SPEF1: variants seen among roughly 807,000 people sequenced by gnomAD.
SPEF1 encodes the protein sperm flagella and cilia-associated protein 1.
In SPEF1, 30 loss-of-function variants were observed where a neutral mutation model predicts 31.8. That is an observed-to-expected ratio of 0.94 (90% CI 0.70 to 1.28). The LOEUF is 1.28. SPEF1 is among the 50% of genes most tolerant of loss of function. The pLI, the probability that SPEF1 is intolerant of heterozygous loss-of-function variation, is 0.00. For missense variants in SPEF1, 298 were observed against 309.6 expected, an observed-to-expected ratio of 0.96 and a Z score of 0.28; for synonymous variants, 126 against 130.1, an observed-to-expected ratio of 0.97 and a Z score of 0.21.
intron 1 of SPEF1, 143 bp from the exon 2 acceptor site, chr20:3,779,918 G>C (rs1037207991): frequency 3.3e-6 from 2 of 604,768 alleles, no homozygotes; most frequent in African/African-American, 3.7e-5. Flanking sequence ...GGAAGGATAA[G>C]GAGGGAGACA....
Position 3,778,190 on chromosome 20 carries a change from C to A in SPEF1, c.*22G>T. 1 of 1,512,144 alleles carries A rather than the reference C, an allele frequency of 6.6e-7. No homozygotes were observed. The highest frequency in any genetic ancestry group is 8.9e-7 in the Non-Finnish European group (1 of 1,122,944). The allele number at this position is 1,512,144 out of a possible 1,614,324, so 93.7% of individuals were successfully genotyped here. ...GGGCTCTGGCGGGTACCCGGGCGTC[C>A]CCGCGCGGCCCGGGCCGCCGCTCAC... On this transcript the variant is annotated 3_prime_UTR_variant, in exon 7 of 7. Transcript: ENST00000379756.
chr20:3,779,754 T>G lies in SPEF1; in HGVS notation c.131A>C (p.Lys44Thr). 6.2e-7 allele frequency: 1 copy of G among 1,610,976 alleles called. No individual in the cohort carries two copies. Among genetic ancestry groups the G allele is most frequent in the Non-Finnish European group, 8.5e-7 (1 of 1,178,940 alleles). ...SDGVLVAEVI[K>T]FYFPKMVEMH... ...CTCCACCATCTTGGGGAAGTAAAACTTGATGACCTCTGCAACAAGGACTGA... is the reference window on the plus strand; with the variant it reads ...CTCCACCATCTTGGGGAAGTAAAACGTGATGACCTCTGCAACAAGGACTGA... The change falls in exon 2 of 7, where the codon AAG becomes ACG. Residue 44 changes from lysine to threonine, a missense_variant. Transcript: ENST00000379756.
At position 3,779,531 on chromosome 20, in the gene SPEF1, T is replaced by G. The variant is rs755109447; in HGVS notation, c.221+133A>C. The G allele has an allele frequency of 1.3e-5, 11 of 877,654 alleles. No homozygotes were observed. The African/African-American group carries it at 1.3e-4, about 11-fold the overall frequency. The allele number at this position is 877,654 out of a possible 1,614,324, so 54.4% of individuals were successfully genotyped here. On this transcript the variant is annotated intron_variant, in intron 2 of 6. Transcript: ENST00000379756. ...CCGAGGTTCCTTGCCTCCTTCCTAA[T>G]AGAAGAGTCTCTTGATTTTGTAATC...
chr20:3,779,019 GC>G (rs572110606), intron 3 of SPEF1, 29 bp from the exon 4 acceptor site: 3 of 1,614,006 alleles, frequency 1.9e-6, no homozygotes, highest in Non-Finnish European at 2.5e-6. Flanking sequence ...TCCGCTGTAA[GC>G]CCGGGCTCAG....
chr20:3,781,292 G>A lies in SPEF1; in HGVS notation c.-5C>T. ...CTCGTCCACGCTGCTCGCCATTGGC[G>A]TCCTCACGGCCTGGCCGCCCCAGCG... On this transcript the variant is annotated 5_prime_UTR_variant, in exon 1 of 7. The change creates a new upstream start codon in the 5' untranslated region. Transcript: ENST00000379756. 1 of 1,613,102 alleles carries A rather than the reference G, an allele frequency of 6.2e-7. No individual in the cohort carries two copies. The highest frequency in any genetic ancestry group is 2.2e-5 in the East Asian group (1 of 44,852).
In SPEF1 at chr20:3,778,322, A is replaced by C; in HGVS notation, c.604-3T>G. The C allele has an allele frequency of 1.2e-6, 2 of 1,612,508 alleles. No individual in the cohort carries two copies. Among genetic ancestry groups the C allele is most frequent in the South Asian group, 2.2e-5 (2 of 91,052 alleles). On this transcript the variant is annotated splice_region_variant and splice_polypyrimidine_tract_variant and intron_variant, in intron 6 of 6. Transcript: ENST00000379756. ...CGCCTTACCTTCATCTGCAGGACCT[A>C]AGCCGCACCGCGCAGGCGTCAAGCC...
intron 5 of SPEF1, 99 bp from the exon 6 acceptor site, chr20:3,778,643 C>T (rs2088760956): frequency 1.3e-6 from 2 of 1,571,308 alleles, no homozygotes; most frequent in Non-Finnish European, 1.7e-6. Context: ...CCTCTAGCCC[C>T]TTTCCTGCCT....
At chr20:3,781,117 C>A in intron 1 of SPEF1, 62 bp downstream of exon 1, 1 of 1,596,122 alleles carries the variant, frequency 6.3e-7, no homozygotes, top group Non-Finnish European at 8.6e-7. Context: ...AAAGAGTTTG[C>A]ACAGAGACCC....
In SPEF1 at chr20:3,777,971, C is replaced by T. The variant is rs2088754779; in HGVS notation, c.*241G>A. On this transcript the variant is annotated 3_prime_UTR_variant, in exon 7 of 7. Coordinates refer to ENST00000379756, the MANE Select transcript of SPEF1 (RefSeq NM_015417.5). This position sits in a 1 kb window ranked among gnomAD's most constrained non-coding sequence, Gnocchi z 4.1. ...TGGGCTCTGGAAAGCGGTCCATTCT[C>T]CTGACCCGGATCTCCGGAGTGGTAG... The T allele has an allele frequency of 4.0e-6, 2 of 506,100 alleles. No individual in the cohort carries two copies. The highest frequency in any genetic ancestry group is 6.7e-5 in the East Asian group (2 of 30,010). The allele number at this position is 506,100 out of a possible 1,614,324, so 31.4% of individuals were successfully genotyped here.
At chr20:3,778,697 G>A (rs745896416) in intron 5 of SPEF1, 49 bp downstream of exon 5, 1 of 1,601,792 alleles carries the variant, frequency 6.2e-7, no homozygotes, top group East Asian at 2.2e-5. Context: ...CCCCAGCTGT[G>A]TGCAGAGATC....
chr20:3,779,103 C>G (rs533172298), intron 3 of SPEF1, 93 bp downstream of exon 3: 6 of 1,567,142 alleles, frequency 3.8e-6, no homozygotes, highest in East Asian at 2.4e-5. Context: ...ACCCCTCCCC[C>G]ACACTTATCA....
Position 3,778,333 on chromosome 20 carries a change from C to T in SPEF1, c.604-14G>A, listed in dbSNP as rs758894022. 6.2e-7 allele frequency: 1 copy of T among 1,612,370 alleles called. No individual in the cohort carries two copies. The highest frequency in any genetic ancestry group is 8.5e-7 in the Non-Finnish European group (1 of 1,178,784). On this transcript the variant is annotated splice_polypyrimidine_tract_variant and intron_variant, in intron 6 of 6. Transcript: ENST00000379756. Reference sequence around the variant, plus strand: ...CATCTGCAGGACCTAAGCCGCACCGCGCAGGCGTCAAGCCTGGCGGTCTGC... The same window carrying T: ...CATCTGCAGGACCTAAGCCGCACCGTGCAGGCGTCAAGCCTGGCGGTCTGC...
Position 3,779,679 on chromosome 20 carries a change from C to A in SPEF1, c.206G>T (p.Trp69Leu), listed in dbSNP as rs750731850. The A allele has an allele frequency of 1.9e-6, 3 of 1,612,386 alleles. No homozygotes were observed. Among genetic ancestry groups the A allele is most frequent in the African/African-American group, 2.7e-5 (2 of 74,830 alleles). ...ATTCTGCTACCTGTTCAGATGACCC[C>A]AGTTGCTGAGCTTCTGCTGGAGAGA... ...ANSLQQKLSNWGHLNRKVLKR... is the reference protein window; with the variant it reads ...ANSLQQKLSNLGHLNRKVLKR... Residue 69 changes from tryptophan (W) to leucine (L), a missense_variant, in exon 2 of 7, where the codon TGG (tryptophan) becomes TTG (leucine). Trp to Leu is a moderately conservative substitution (Grantham distance 61). Coordinates refer to ENST00000379756, the MANE Select transcript of SPEF1 (RefSeq NM_015417.5).
chr20:3,779,096 C>T lies in SPEF1; in HGVS notation c.378+100G>A, dbSNP rs2088764378. ...GGCCAGGCTCTATTAGCCAAGCACCCCTCCCCCACACTTATCACCCAGGCT... is the reference window on the plus strand; with the variant it reads ...GGCCAGGCTCTATTAGCCAAGCACCTCTCCCCCACACTTATCACCCAGGCT... On this transcript the variant is annotated intron_variant, in intron 3 of 6. Transcript: ENST00000379756. The T allele has an allele frequency of 1.9e-6, 3 of 1,579,562 alleles. No individual in the cohort carries two copies. In the Admixed American group the frequency reaches 5.4e-5, roughly 29 times the overall value.
chr20:3,780,017 G>A (rs1600362436), intron 1 of SPEF1, among the ~76,000 whole-genome samples: 1 of 152,032 alleles, frequency 6.6e-6, no homozygotes. Flanking sequence ...ATTTAGGAAT[G>A]GGAATACTGA....
intron 1 of SPEF1, 43 bp downstream of exon 1, chr20:3,781,136 C>G (rs377103393): frequency 1.2e-5 from 19 of 1,607,062 alleles, no homozygotes; most frequent in Non-Finnish European, 1.5e-5. Context: ...CCGTTACACA[C>G]GAACATACAG....
intron 1 of SPEF1, 71 bp downstream of exon 1, chr20:3,781,108 A>G: frequency 6.3e-7 from 1 of 1,586,624 alleles, no homozygotes; most frequent in South Asian, 1.1e-5. Context: ...CACAAACACA[A>G]AGAGTTTGCA....
Position 3,779,755 on chromosome 20 carries a change from T to A in SPEF1, c.130A>T (p.Lys44Ter), listed in dbSNP as rs1309167324. 1 of 1,609,106 alleles carries A rather than the reference T, an allele frequency of 6.2e-7. No homozygotes were observed. The highest frequency in any genetic ancestry group is 1.1e-5 in the South Asian group (1 of 90,974). ...SDGVLVAEVI[K>*]FYFPKMVEMH... ...TCCACCATCTTGGGGAAGTAAAACT[T>A]GATGACCTCTGCAACAAGGACTGAG... is the stretch of plus-strand genomic sequence containing the variant. The change falls in exon 2 of 7, where the codon AAG (lysine) becomes TAG (stop). Residue 44 changes from lysine to a stop codon, truncating the protein, a stop_gained. Coordinates refer to ENST00000379756, the MANE Select transcript of SPEF1 (RefSeq NM_015417.5). LOFTEE classifies it high-confidence loss of function.
intron 1 of SPEF1, among the ~76,000 whole-genome samples, chr20:3,780,334 C>CAA (rs58819644): frequency 0.016 from 956 of 58,156 alleles, 87 homozygotes; most frequent in African/African-American, 0.055. Context: ...GACTCTGTCT[C>CAA]AAAAAAAAAA....
Sources: gnomAD v4.1 joint callset for allele counts (sites outside exome capture counted in the v4.1 genomes callset) on GRCh38, gnomAD v4.1.1 for gene constraint, Gnocchi (gnomAD v3.1) non-coding constraint, MANE v1.5 for transcripts, NCBI Gene and HGNC (gene_info 2026-07-23, HGNC 2026-07-21) for gene names.